RPAP2: variants seen among roughly 807,000 people sequenced by gnomAD.
RPAP2 encodes putative RNA polymerase II subunit B1 CTD phosphatase RPAP2.
In RPAP2, 52 loss-of-function variants were observed where a neutral mutation model predicts 73.1. The ratio of observed to expected loss-of-function variants is 0.71; its 90% CI spans 0.57 to 0.90. RPAP2 has a LOEUF of 0.90. RPAP2 is among the 40% of genes least tolerant of loss of function. RPAP2 has a pLI of 0.00. For synonymous variants in RPAP2, 225 were observed against 242.1 expected (o/e 0.93, Z 0.65); for missense variants, 598 against 701.8 (o/e 0.85, Z 1.67).
At chr1:92,381,062 C>T (rs180697017) in intron 12 of RPAP2, among the ~76,000 whole-genome samples, 189 bp downstream of exon 12, 89 of 152,120 alleles carry the variant, frequency 5.9e-4, no homozygotes, top group African/African-American at 1.9e-3. Context: ...TACTTTGTGC[C>T]CCATATTTGT....
intron 5 of RPAP2, among the ~76,000 whole-genome samples, chr1:92,305,049 C>T (rs534684652): frequency 4.6e-5 from 7 of 151,904 alleles, no homozygotes; most frequent in Non-Finnish European, 7.4e-5. Context: ...GCACATGCAT[C>T]GCATGAACCT....
intron 11 of RPAP2, among the ~76,000 whole-genome samples, chr1:92,373,733 T>TAAAAAAAAAAAAAAAA: frequency 2.4e-5 from 1 of 40,892 alleles, no homozygotes; most frequent in Non-Finnish European, 4.4e-5. Flanking sequence ...CCGTCTCTAC[T>TAAAAAAAAAAAAAAAA]AAAAATAAAA....
intron 8 of RPAP2, among the ~76,000 whole-genome samples, chr1:92,326,853 G>T (rs375932901): frequency 2.0e-5 from 3 of 152,222 alleles, no homozygotes; most frequent in African/African-American, 7.2e-5. Context: ...AGGAAGGGCT[G>T]AGAACTTGCC....
In RPAP2 at chr1:92,323,722, G is replaced by A; in HGVS notation, c.802G>A (p.Val268Ile). ...ACACAAAGACAAAGAACAGACAGTA[G>A]TAGATGTCACTGAGCAGTTAGGCGA... ...SKHKDKEQTV[V>I]DVTEQLGDCK... The change falls in exon 8 of 13, where the codon GTA (valine) becomes ATA (isoleucine). Residue 268 changes from valine (V) to isoleucine (I), a missense_variant. Around this residue, in one of 3 missense-constraint regions of RPAP2, gnomAD observed 506 missense variants for 612.8 expected, o/e 0.83. Coordinates refer to ENST00000610020, the MANE Select transcript of RPAP2 (RefSeq NM_024813.3). 1 of 1,614,140 alleles carries A rather than the reference G, an allele frequency of 6.2e-7. No individual in the cohort carries two copies. The highest frequency in any genetic ancestry group is 8.5e-7 in the Non-Finnish European group (1 of 1,180,002).
At chr1:92,324,937 A>G (rs150326736) in intron 8 of RPAP2, among the ~76,000 whole-genome samples, 106 of 152,352 alleles carry the variant, frequency 7.0e-4, no homozygotes, top group African/African-American at 2.5e-3. Flanking sequence ...TACTAGCTGT[A>G]TGAAAAATTA....
chr1:92,309,536 C>CACACAT (rs55988882), intron 6 of RPAP2, among the ~76,000 whole-genome samples: 93 of 151,008 alleles, frequency 6.2e-4, no homozygotes, highest in Middle Eastern at 3.4e-3. Context: ...TGGCAGGCTA[C>CACACAT]ACACATACAC....
intron 11 of RPAP2, among the ~76,000 whole-genome samples, chr1:92,371,040 C>T (rs925411233): frequency 1.3e-5 from 2 of 152,140 alleles, no homozygotes; most frequent in Non-Finnish European, 2.9e-5. Flanking sequence ...GGCACTGTGG[C>T]TCATGCCTGT....
chr1:92,333,634 T>TAAA (rs1367177524), intron 9 of RPAP2, among the ~76,000 whole-genome samples, 161 bp downstream of exon 9: 1 of 152,200 alleles, frequency 6.6e-6, no homozygotes, highest in Non-Finnish European at 1.5e-5. Flanking sequence ...ATTTTTAAGA[T>TAAA]ATTTTATCCA....
chr1:92,319,799 G>C (rs375696228), intron 6 of RPAP2, among the ~76,000 whole-genome samples: 5 of 152,174 alleles, frequency 3.3e-5, no homozygotes, highest in Non-Finnish European at 7.4e-5. Flanking sequence ...AGGAGTTCAA[G>C]ACCAGCCTGA....
At chr1:92,376,102 C>T (rs1379047687) in intron 11 of RPAP2, among the ~76,000 whole-genome samples, 2 of 151,638 alleles carry the variant, frequency 1.3e-5, no homozygotes, top group Admixed American at 6.6e-5. Flanking sequence ...CTTAAAAATA[C>T]AGTATAACTA....
chr1:92,328,571 T>C (rs1652778835), intron 8 of RPAP2, among the ~76,000 whole-genome samples: 1 of 152,238 alleles, frequency 6.6e-6, no homozygotes, highest in Admixed American at 6.5e-5. Flanking sequence ...GTTTGATTTC[T>C]TTAAGTTGGG....
chr1:92,321,818 G>A (rs995715207), intron 7 of RPAP2, among the ~76,000 whole-genome samples: 1 of 150,842 alleles, frequency 6.6e-6, no homozygotes, highest in African/African-American at 2.4e-5. Context: ...AGAATTTTCT[G>A]TACAACAATC....
At position 92,369,283 on chromosome 1, in the gene RPAP2, T is replaced by C. The variant is rs115526369; in HGVS notation, c.1689-11441T>C. On this transcript the variant is annotated intron_variant, in intron 11 of 12. Transcript: ENST00000610020. ...CCACCATGTTATTATGGGGTTTTGC[T>C]TGTTTGTTTTGTTTATGTTTTAGAG... 5.3e-3 allele frequency among the ~76,000 whole-genome samples: 809 copies of C among 152,278 alleles called. 15 individuals carry two copies. The highest frequency in any genetic ancestry group is 0.024 in the Middle Eastern group (7 of 294).
At chr1:92,319,118 C>G (rs1180087953) in intron 6 of RPAP2, among the ~76,000 whole-genome samples, 1 of 152,046 alleles carries the variant, frequency 6.6e-6, no homozygotes, top group Admixed American at 6.5e-5. Context: ...CCTCAAATGC[C>G]TTTATATACA....
At chr1:92,383,028 T>C (rs1328727404) in intron 12 of RPAP2, among the ~76,000 whole-genome samples, 5 of 152,184 alleles carry the variant, frequency 3.3e-5, no homozygotes, top group African/African-American at 9.7e-5. Context: ...AATAGGGAAT[T>C]CTTTCCCCAT....
chr1:92,322,201 C>A (rs1335954756), intron 7 of RPAP2, among the ~76,000 whole-genome samples: 1 of 151,652 alleles, frequency 6.6e-6, no homozygotes, highest in Non-Finnish European at 1.5e-5. Flanking sequence ...CTGCCTTGGC[C>A]TCCCAAGGTG....
intron 11 of RPAP2, among the ~76,000 whole-genome samples, chr1:92,349,409 C>T (rs1654084433): frequency 6.6e-6 from 1 of 152,088 alleles, no homozygotes; most frequent in Non-Finnish European, 1.5e-5. Context: ...CATACATACA[C>T]CTATATATAA....
At chr1:92,357,834 T>C (rs1359030581) in intron 11 of RPAP2, among the ~76,000 whole-genome samples, 3 of 152,254 alleles carry the variant, frequency 2.0e-5, no homozygotes, top group Admixed American at 6.5e-5. Context: ...ACCCTGCCCC[T>C]GAGATAAATT....
At chr1:92,299,683 C>A (rs1650658334) in intron 1 of RPAP2, among the ~76,000 whole-genome samples, 1 of 152,152 alleles carries the variant, frequency 6.6e-6, no homozygotes, top group Non-Finnish European at 1.5e-5. Flanking sequence ...TACATTTTAA[C>A]CAAGAAAAAT....
Sources: allele counts gnomAD v4.1 joint callset (sites outside exome capture counted in the v4.1 genomes callset), GRCh38; gene constraint gnomAD v4.1.1; regional missense constraint gnomAD v4.1.1; transcripts MANE v1.5; gene names NCBI Gene and HGNC (gene_info 2026-07-23, HGNC 2026-07-21).